The following ADK variants were observed in gnomAD, a reference collection of about 807,000 sequenced individuals.
ADK encodes N6,N6-dimethyladenosine kinase.
Under a neutral mutation model 44.7 loss-of-function variants are expected in ADK, and 24 were observed. That is an observed-to-expected ratio of 0.54 (90% CI 0.39 to 0.76). ADK has a LOEUF of 0.76. Ranked by LOEUF, ADK falls within the 30% of genes least tolerant of loss-of-function variation. The pLI, the probability that ADK is intolerant of heterozygous loss-of-function variation, is 0.00. For synonymous variants in ADK, 128 were observed against 142.6 expected (o/e 0.90, Z 0.73); for missense variants, 321 against 425.1 (o/e 0.76, Z 2.15).
intron 1 of ADK, among the ~76,000 whole-genome samples, chr10:74,155,941 A>G (rs1276944617): frequency 1.3e-5 from 2 of 152,228 alleles, no homozygotes; most frequent in African/African-American, 4.8e-5. Context: ...ATGATATTGC[A>G]TGCCTTTTAC....
At chr10:74,439,761 T>C (rs1466824090) in intron 6 of ADK, among the ~76,000 whole-genome samples, 1 of 152,122 alleles carries the variant, frequency 6.6e-6, no homozygotes, top group Non-Finnish European at 1.5e-5. Context: ...ATTAAATATC[T>C]AATGTTAAAT....
intron 9 of ADK, among the ~76,000 whole-genome samples, chr10:74,654,506 G>C (rs994315464): frequency 1.2e-4 from 19 of 152,216 alleles, no homozygotes; most frequent in Non-Finnish European, 2.2e-4. Flanking sequence ...GCCCTGGTTT[G>C]ATCCAATTCA....
chr10:74,195,707 C>CTTTTTTTTTTTTTTTTTTT (rs71475265), intron 1 of ADK, among the ~76,000 whole-genome samples: 9 of 97,520 alleles, frequency 9.2e-5, no homozygotes, highest in African/African-American at 1.3e-4. Context: ...TCTTTTCTTT[C>CTTTTTTTTTTTTTTTTTTT]TTTTTTTTTT....
chr10:74,621,305 A>T (rs1852985068), intron 9 of ADK, among the ~76,000 whole-genome samples: 1 of 152,168 alleles, frequency 6.6e-6, no homozygotes, highest in Admixed American at 6.5e-5. Context: ...TAGTTTTCCC[A>T]GCATCATTTA....
chr10:74,449,484 A>G (rs555283970), intron 6 of ADK, among the ~76,000 whole-genome samples: 207 of 152,318 alleles, frequency 1.4e-3, no homozygotes, highest in African/African-American at 4.7e-3. Flanking sequence ...GTTTTTTGAA[A>G]AAAGAAATAG....
At chr10:74,327,747 A>C (rs897854347) in intron 4 of ADK, among the ~76,000 whole-genome samples, 1 of 149,026 alleles carries the variant, frequency 6.7e-6, no homozygotes, top group East Asian at 2.0e-4. Context: ...AATAAAAGTT[A>C]AAAAAAAAAG....
intron 6 of ADK, among the ~76,000 whole-genome samples, chr10:74,413,235 TA>T (rs937890472): frequency 2.0e-4 from 29 of 146,752 alleles, no homozygotes; most frequent in Non-Finnish European, 3.0e-4. Flanking sequence ...CATTAGCCCC[TA>T]AAAAAAAAAG....
intron 6 of ADK, among the ~76,000 whole-genome samples, chr10:74,474,763 A>G (rs931909460): frequency 2.6e-5 from 4 of 152,156 alleles, no homozygotes; most frequent in South Asian, 2.1e-4. Flanking sequence ...GGCTCAAGCA[A>G]TCCTCACAAC....
intron 4 of ADK, among the ~76,000 whole-genome samples, chr10:74,347,052 A>G (rs1158492583): frequency 7.0e-6 from 1 of 143,444 alleles, no homozygotes; most frequent in African/African-American, 2.7e-5. Context: ...GCTTGCAATG[A>G]GCAGAGATCG....
chr10:74,280,445 C>CACACAG (rs1846892462), intron 3 of ADK, among the ~76,000 whole-genome samples: 1 of 152,004 alleles, frequency 6.6e-6, no homozygotes, highest in Non-Finnish European at 1.5e-5. Flanking sequence ...CACACACACA[C>CACACAG]ACGTTTTTTA....
At chr10:74,676,903 C>T (rs1170978564) in intron 10 of ADK, among the ~76,000 whole-genome samples, 1 of 152,272 alleles carries the variant, frequency 6.6e-6, no homozygotes, top group East Asian at 1.9e-4. Context: ...TCAGCAATCA[C>T]AATGCAAATA....
At chr10:74,160,692 T>C (rs556327688) in intron 1 of ADK, among the ~76,000 whole-genome samples, 2 of 139,826 alleles carry the variant, frequency 1.4e-5, no homozygotes. Context: ...CAGGTAGGGG[T>C]GTGTGTGTGT....
At chr10:74,351,283 C>T (rs755848071) in intron 4 of ADK, among the ~76,000 whole-genome samples, 62 of 152,130 alleles carry the variant, frequency 4.1e-4, no homozygotes, top group African/African-American at 1.1e-3. Context: ...AATCAATAAA[C>T]GTAATCTATC....
intron 4 of ADK, among the ~76,000 whole-genome samples, chr10:74,321,053 G>A (rs1199437824): frequency 2.0e-5 from 3 of 152,128 alleles, no homozygotes; most frequent in Non-Finnish European, 4.4e-5. Context: ...GGTGAGCTTC[G>A]TGAGGTATTT....
chr10:74,574,204 G>C (rs1851090556), intron 7 of ADK, among the ~76,000 whole-genome samples: 2 of 141,580 alleles, frequency 1.4e-5, no homozygotes, highest in African/African-American at 5.3e-5. Context: ...TTCTCACTCA[G>C]CCACCAGGCT....
At chr10:74,502,469 G>A (rs1847916099) in intron 6 of ADK, among the ~76,000 whole-genome samples, 1 of 152,056 alleles carries the variant, frequency 6.6e-6, no homozygotes, top group African/African-American at 2.4e-5. Context: ...TATTTTAAAT[G>A]TAGTCTACAT....
chr10:74,377,509 G>A (rs190410402), intron 4 of ADK, among the ~76,000 whole-genome samples: 5 of 152,240 alleles, frequency 3.3e-5, no homozygotes, highest in African/African-American at 1.2e-4. Flanking sequence ...TTAAAAATGT[G>A]GTAAAATCAG....
chr10:74,640,660 C>T (rs980363797), intron 9 of ADK, among the ~76,000 whole-genome samples: 1 of 152,206 alleles, frequency 6.6e-6, no homozygotes, highest in African/African-American at 2.4e-5. Context: ...CTTTGCAGGG[C>T]ATACTACCTC....
chr10:74,283,835 C>T (rs1289981978), intron 3 of ADK, among the ~76,000 whole-genome samples: 1 of 151,508 alleles, frequency 6.6e-6, no homozygotes, highest in Non-Finnish European at 1.5e-5. Context: ...TGCCCGCCAC[C>T]ACGCCTGGCT....
Sources: gnomAD v4.1 joint callset for allele counts (sites outside exome capture counted in the v4.1 genomes callset) on GRCh38, gnomAD v4.1.1 for gene constraint, MANE v1.5 for transcripts, NCBI Gene and HGNC (gene_info 2026-07-23, HGNC 2026-07-21) for gene names.